The following TRERF1 variants were observed in gnomAD, a reference collection of about 807,000 sequenced individuals.
TRERF1 encodes the protein transcriptional regulating factor 1.
In TRERF1, 27 loss-of-function variants were observed where a neutral mutation model predicts 122.9. That is an observed-to-expected ratio of 0.22 (90% CI 0.16 to 0.30). TRERF1 has a LOEUF of 0.30. Ranked by LOEUF, TRERF1 falls within the 10% of genes least tolerant of loss-of-function variation. The pLI is 1.00. For missense variants in TRERF1, 1,248 were observed against 1,560.3 expected, an observed-to-expected ratio of 0.80 and a Z score of 3.37; for synonymous variants, 636 against 641.7, an observed-to-expected ratio of 0.99 and a Z score of 0.13.
At chr6:42,414,206 T>TAA (rs1166107375) in intron 2 of TRERF1, among the ~76,000 whole-genome samples, 9 of 152,210 alleles carry the variant, frequency 5.9e-5, no homozygotes, top group African/African-American at 2.2e-4. Flanking sequence ...CATCTGGACT[T>TAA]AAAGCATCCT....
At chr6:42,366,726 A>G (rs536138539) in intron 2 of TRERF1, among the ~76,000 whole-genome samples, 3 of 152,302 alleles carry the variant, frequency 2.0e-5, no homozygotes, top group Non-Finnish European at 4.4e-5. Flanking sequence ...AGAATATTCT[A>G]TTTTGGGAAA....
At chr6:42,444,695 G>A (rs1428292031) in intron 2 of TRERF1, among the ~76,000 whole-genome samples, 3 of 152,100 alleles carry the variant, frequency 2.0e-5, no homozygotes, top group Admixed American at 6.5e-5. Context: ...GACCCAACTC[G>A]TTTCTCTTGA....
intron 4 of TRERF1, among the ~76,000 whole-genome samples, chr6:42,286,850 T>G (rs1215497580): frequency 2.6e-5 from 3 of 114,538 alleles, no homozygotes; most frequent in Admixed American, 1.8e-4. Flanking sequence ...CACGTATGTT[T>G]ATTGCGGCAT....
intron 2 of TRERF1, among the ~76,000 whole-genome samples, chr6:42,380,851 C>T (rs531619825): frequency 6.6e-6 from 1 of 152,330 alleles, no homozygotes; most frequent in African/African-American, 2.4e-5. Context: ...TCAGCAGGCA[C>T]CACTACATCT....
chr6:42,282,677 T>G (rs1248085642), intron 4 of TRERF1, among the ~76,000 whole-genome samples: 1 of 152,236 alleles, frequency 6.6e-6, no homozygotes, highest in Admixed American at 6.5e-5. Context: ...GAACAGTATG[T>G]TCAGTATGCT....
At chr6:42,266,408 C>T (rs746128942) in intron 5 of TRERF1, among the ~76,000 whole-genome samples, 5 of 152,096 alleles carry the variant, frequency 3.3e-5, no homozygotes, top group Admixed American at 6.6e-5. Context: ...AGGCTGGTCT[C>T]GAACTCCTGG....
Position 42,268,727 on chromosome 6 carries a change from T to C in TRERF1, c.864A>G (p.Ile288Met). The change falls in exon 5 of 18, where the codon ATA (isoleucine) becomes ATG (methionine). Residue 288 changes from isoleucine to methionine, a missense_variant. By Grantham distance (10) the Ile-to-Met change is conservative. Transcript: ENST00000372922. This position sits in a 1 kb window ranked among gnomAD's most constrained non-coding sequence, Gnocchi z 4.4. The stretch of plus-strand genomic sequence containing the variant: ...GGCGAATTTGTTGCGGCTGCGTCTG[T>C]ATTTCTTGCATGGAGATACGCTGTT... The C allele has an allele frequency of 6.2e-7, 1 of 1,614,150 alleles. No individual in the cohort carries two copies. Among genetic ancestry groups the C allele is most frequent in the Non-Finnish European group, 8.5e-7 (1 of 1,180,030 alleles).
intron 13 of TRERF1, among the ~76,000 whole-genome samples, chr6:42,250,414 G>A (rs1018349811): frequency 2.0e-5 from 3 of 152,236 alleles, no homozygotes; most frequent in East Asian, 1.9e-4. Flanking sequence ...CGAAGTTAAC[G>A]AAAGGCTCAG....
chr6:42,388,216 ATTTC>A (rs1251168223), intron 2 of TRERF1, among the ~76,000 whole-genome samples: 2 of 148,484 alleles, frequency 1.3e-5, no homozygotes, highest in Non-Finnish European at 1.5e-5. Flanking sequence ...TGCAGTTTTG[ATTTC>A]TTTCTTTTTT....
In TRERF1 at chr6:42,269,332, T is replaced by C. The variant is rs116259507; in HGVS notation, c.259A>G (p.Ser87Gly). 4,972 of 1,614,126 alleles carry C rather than the reference T, an allele frequency of 3.1e-3. 114 individuals are homozygous for C. The African/African-American group carries it at 0.053, about 17-fold the overall frequency. ...ACATGGTTTCCAGGCCCTGCATGAC[T>C]TCCCCACCCTCCCTGCCTCGAGGTA... The change falls in exon 5 of 18, where the codon AGT becomes GGT. Residue 87 changes from serine (S) to glycine (G), a missense_variant. Around this residue, in one of 5 missense-constraint regions of TRERF1, gnomAD observed 946 missense variants for 1,073.0 expected, o/e 0.88. Coordinates refer to ENST00000372922, the Ensembl canonical transcript of TRERF1. This position sits in a 1 kb window ranked among gnomAD's most constrained non-coding sequence, Gnocchi z 4.9.
At chr6:42,294,587 A>G (rs1357471841) in intron 4 of TRERF1, among the ~76,000 whole-genome samples, 2 of 152,234 alleles carry the variant, frequency 1.3e-5, no homozygotes, top group Non-Finnish European at 2.9e-5. Context: ...CCAACGGCCA[A>G]TCTCCAGGGC....
chr6:42,394,257 A>G (rs1034115205), intron 2 of TRERF1, among the ~76,000 whole-genome samples: 25 of 151,714 alleles, frequency 1.6e-4, no homozygotes, highest in African/African-American at 5.1e-4. Flanking sequence ...CCCACAACAC[A>G]CTAACAACAG....
intron 2 of TRERF1, among the ~76,000 whole-genome samples, chr6:42,438,352 G>A (rs1172311057): frequency 1.3e-5 from 2 of 149,560 alleles, no homozygotes; most frequent in African/African-American, 2.4e-5. Context: ...GCTCACGCCT[G>A]TAATCCCAGC....
intron 2 of TRERF1, among the ~76,000 whole-genome samples, chr6:42,374,845 T>C (rs1299070129): frequency 6.6e-6 from 1 of 151,344 alleles, no homozygotes; most frequent in Non-Finnish European, 1.5e-5. Flanking sequence ...CTGTCTCTAC[T>C]AAAAAAATAC....
At chr6:42,235,249 C>T (rs1240586139) in intron 16 of TRERF1, among the ~76,000 whole-genome samples, 2 of 152,134 alleles carry the variant, frequency 1.3e-5, no homozygotes, top group Non-Finnish European at 2.9e-5. Flanking sequence ...TGAGCAAAGA[C>T]AAGCACACTG....
intron 2 of TRERF1, among the ~76,000 whole-genome samples, chr6:42,445,687 C>T (rs1006699020): frequency 1.3e-5 from 2 of 152,076 alleles, no homozygotes; most frequent in Admixed American, 1.3e-4. Flanking sequence ...CCAGAAACCT[C>T]GGAGTTCTAG....
Position 42,319,651 on chromosome 6 carries a change from A to C in TRERF1, c.-370-18902T>G, listed in dbSNP as rs189948033. Among the ~76,000 whole-genome samples the C allele has an allele frequency of 2.0e-5, 3 of 152,062 alleles. No individual in the cohort carries two copies. In the East Asian group the frequency reaches 5.9e-4, roughly 30 times the overall value. Reference sequence around the variant, plus strand: ...AGGCTGAACAACATAGGGAAACCCCATGTCTACAAAAAAATGTAAAAATTA... The same window carrying C: ...AGGCTGAACAACATAGGGAAACCCCCTGTCTACAAAAAAATGTAAAAATTA... On this transcript the variant is annotated intron_variant, in intron 3 of 17. Transcript: ENST00000372922.
intron 15 of TRERF1, among the ~76,000 whole-genome samples, chr6:42,242,074 G>A (rs374264944): frequency 1.3e-5 from 2 of 152,136 alleles, no homozygotes; most frequent in Non-Finnish European, 2.9e-5. Flanking sequence ...TAGCCTGAGC[G>A]ACAAAGTGAG....
At chr6:42,320,506 A>AGTTT (rs1763238935) in intron 3 of TRERF1, among the ~76,000 whole-genome samples, 1 of 136,752 alleles carries the variant, frequency 7.3e-6, no homozygotes, top group Non-Finnish European at 1.6e-5. Context: ...AAGTGAAAGA[A>AGTTT]TTTTTTTTTT....
Sources: allele counts gnomAD v4.1 joint callset (sites outside exome capture counted in the v4.1 genomes callset), GRCh38; gene constraint gnomAD v4.1.1; regional missense constraint gnomAD v4.1.1; non-coding constraint Gnocchi (gnomAD v3.1); transcripts MANE v1.5; gene names NCBI Gene and HGNC (gene_info 2026-07-23, HGNC 2026-07-21).